Variants in KCNIP1 observed in about 807,000 individuals in gnomAD.
KCNIP1 encodes A-type potassium channel modulatory protein KCNIP1.
Under a neutral mutation model 33.0 loss-of-function variants are expected in KCNIP1, and 18 were observed. The observed-to-expected ratio is 0.55, with a 90% CI of 0.38 to 0.81. KCNIP1 has a LOEUF of 0.81. Ranked by LOEUF, KCNIP1 falls within the 30% of genes least tolerant of loss-of-function variation. The pLI, the probability that KCNIP1 is intolerant of heterozygous loss-of-function variation, is 0.00. For synonymous variants in KCNIP1, 93 were observed against 98.3 expected, an observed-to-expected ratio of 0.95 and a Z score of 0.32; for missense variants, 238 against 271.6, an observed-to-expected ratio of 0.88 and a Z score of 0.87.
chr5:170,395,001 T>C (rs536797387), intron 1 of KCNIP1, among the ~76,000 whole-genome samples: 109 of 152,356 alleles, frequency 7.2e-4, no homozygotes, highest in Non-Finnish European at 9.4e-4. Context: ...TCTGCTGTTG[T>C]TGGGCACCAA....
At chr5:170,397,113 C>T (rs576600820) in intron 1 of KCNIP1, among the ~76,000 whole-genome samples, 2 of 152,244 alleles carry the variant, frequency 1.3e-5, no homozygotes, top group African/African-American at 4.8e-5. Flanking sequence ...GCCTGAATAC[C>T]AAAGGGAGGA....
At chr5:170,716,739 A>C (rs962632999) in intron 1 of KCNIP1, among the ~76,000 whole-genome samples, 1 of 152,222 alleles carries the variant, frequency 6.6e-6, no homozygotes, top group African/African-American at 2.4e-5. Context: ...GATGGGAAAC[A>C]AGTGCTGTTT....
intron 1 of KCNIP1, among the ~76,000 whole-genome samples, chr5:170,607,819 C>T (rs545533375): frequency 2.0e-5 from 3 of 152,246 alleles, no homozygotes; most frequent in South Asian, 2.1e-4. Flanking sequence ...CGGAGGGCAG[C>T]GATCCCTAAG....
intron 1 of KCNIP1, among the ~76,000 whole-genome samples, chr5:170,599,439 C>T (rs1212348862): frequency 6.6e-6 from 1 of 152,098 alleles, no homozygotes; most frequent in Non-Finnish European, 1.5e-5. Context: ...ATCAGGGCAA[C>T]TAGTCTTACT....
At chr5:170,367,347 GAAA>G (rs36006713) in intron 1 of KCNIP1, among the ~76,000 whole-genome samples, 8,189 of 80,856 alleles carry the variant, frequency 0.1, 573 homozygotes, top group African/African-American at 0.17. Flanking sequence ...AAGAAGGAAA[GAAA>G]AAGAAAGAAA....
At chr5:170,421,123 G>A (rs1393566130) in intron 1 of KCNIP1, among the ~76,000 whole-genome samples, 1 of 152,162 alleles carries the variant, frequency 6.6e-6, no homozygotes, top group Non-Finnish European at 1.5e-5. Flanking sequence ...GGGGTTGGAG[G>A]GGGTGTTGTT....
At position 170,504,624 on chromosome 5, in the gene KCNIP1, C is replaced by A; in HGVS notation, c.52C>A (p.Pro18Thr). ...FSSLQTKQRR[P>T]SKDKIEDELE... is the part of the protein sequence containing the mutation. ...ATCTCTGCAAACCAAACAAAGGCGA[C>A]CCTCGAAAGGTAAGCCACCTTCTTC... The change falls in exon 1 of 8, where the codon CCC becomes ACC. Residue 18 changes from proline (P) to threonine (T), a missense_variant. Physicochemically the swap from Pro to Thr is conservative, Grantham distance 38 (BLOSUM62 -1). Coordinates refer to ENST00000328939, the MANE Select transcript of KCNIP1 (RefSeq NM_014592.4). This position sits in a 1 kb window ranked among gnomAD's most constrained non-coding sequence, Gnocchi z 6.0. The A allele has an allele frequency of 6.2e-7, 1 of 1,613,694 alleles. No individual in the cohort carries two copies. The highest frequency in any genetic ancestry group is 1.1e-5 in the South Asian group (1 of 91,072).
chr5:170,407,490 C>G (rs1755067444), intron 1 of KCNIP1, among the ~76,000 whole-genome samples: 1 of 152,174 alleles, frequency 6.6e-6, no homozygotes, highest in Non-Finnish European at 1.5e-5. Context: ...GAAATTTTTA[C>G]CAACAATCCC....
At chr5:170,412,944 C>T (rs1323897241) in intron 1 of KCNIP1, among the ~76,000 whole-genome samples, 5 of 152,148 alleles carry the variant, frequency 3.3e-5, no homozygotes. Context: ...TCTGACATAC[C>T]CTTCATTTTA....
intron 1 of KCNIP1, among the ~76,000 whole-genome samples, chr5:170,409,123 G>A (rs1027847750): frequency 4.4e-4 from 67 of 152,094 alleles, no homozygotes; most frequent in Admixed American, 6.5e-5. Context: ...TGATGCACCC[G>A]AGCTCACACA....
At chr5:170,580,452 A>C (rs1458256562) in intron 1 of KCNIP1, among the ~76,000 whole-genome samples, 2 of 152,124 alleles carry the variant, frequency 1.3e-5, no homozygotes, top group Non-Finnish European at 2.9e-5. Context: ...GGTTCCAAGA[A>C]GTCTTTTGTG....
intron 1 of KCNIP1, among the ~76,000 whole-genome samples, chr5:170,626,710 C>T (rs36009444): frequency 0.2 from 30,589 of 152,122 alleles, 3,419 homozygotes; most frequent in African/African-American, 0.28. Flanking sequence ...TGGAGCTGTC[C>T]GGGCCACAGC....
chr5:170,358,931 C>T (rs1254205503), intron 1 of KCNIP1, among the ~76,000 whole-genome samples: 1 of 152,222 alleles, frequency 6.6e-6, no homozygotes, highest in Non-Finnish European at 1.5e-5. Flanking sequence ...CTGCACTACT[C>T]CCCACCTTGC....
chr5:170,728,276 G>T (rs924115750), intron 5 of KCNIP1, among the ~76,000 whole-genome samples: 2 of 152,132 alleles, frequency 1.3e-5, no homozygotes. Context: ...AAAAGATGAG[G>T]CAAGAAAAGA....
chr5:170,722,507 C>T (rs564370746), intron 4 of KCNIP1, among the ~76,000 whole-genome samples: 102 of 143,246 alleles, frequency 7.1e-4, no homozygotes, highest in Admixed American at 2.3e-3. Flanking sequence ...CTCAAGGGGG[C>T]ACCTTGCAAA....
chr5:170,622,394 G>A (rs1013676138), intron 1 of KCNIP1, among the ~76,000 whole-genome samples: 4 of 152,108 alleles, frequency 2.6e-5, no homozygotes, highest in Non-Finnish European at 5.9e-5. Flanking sequence ...GGCTGAGGCA[G>A]GCAGATCACT....
At chr5:170,500,108 T>A (rs765134506), upstream of KCNIP1, among the ~76,000 whole-genome samples, 1 of 152,212 alleles carries the variant, frequency 6.6e-6, no homozygotes, top group Non-Finnish European at 1.5e-5. Context: ...CCTCTCACCT[T>A]GTGTTGCAAC....
chr5:170,396,437 C>T (rs186957331), intron 1 of KCNIP1, among the ~76,000 whole-genome samples: 8 of 152,350 alleles, frequency 5.3e-5, no homozygotes, highest in African/African-American at 1.9e-4. Flanking sequence ...GACAAGGCTT[C>T]AGAAAGTTCT....
intron 1 of KCNIP1, among the ~76,000 whole-genome samples, chr5:170,380,201 C>T (rs1764183892): frequency 6.6e-6 from 1 of 152,204 alleles, no homozygotes; most frequent in Non-Finnish European, 1.5e-5. Context: ...TGATGCAAAG[C>T]AGTCATAAAG....
Sources: gnomAD v4.1 joint callset for allele counts (sites outside exome capture counted in the v4.1 genomes callset) on GRCh38, gnomAD v4.1.1 for gene constraint, Gnocchi (gnomAD v3.1) non-coding constraint, MANE v1.5 for transcripts, NCBI Gene and HGNC (gene_info 2026-07-23, HGNC 2026-07-21) for gene names.